Variants in FRMD4A observed in about 807,000 individuals in gnomAD.
FRMD4A encodes FERM domain-containing protein 4A.
Under a neutral mutation model 129.1 loss-of-function variants are expected in FRMD4A, and 29 were observed. That is an observed-to-expected ratio of 0.22 (90% confidence interval 0.17 to 0.31). FRMD4A has a LOEUF of 0.31. Ranked by LOEUF, FRMD4A falls within the 10% of genes least tolerant of loss-of-function variation. FRMD4A has a pLI of 1.00. For missense variants in FRMD4A, 1,272 were observed against 1,375.8 expected (o/e 0.92, Z 1.19); for synonymous variants, 634 against 571.6 (o/e 1.11, Z -1.56).
chr10:13,848,103 C>T (rs978926526), intron 3 of FRMD4A, among the ~76,000 whole-genome samples: 1 of 152,070 alleles, frequency 6.6e-6, no homozygotes, highest in African/African-American at 2.4e-5. Context: ...CCAATCCCTT[C>T]TTATCCCCCA....
At chr10:14,186,969 A>AT (rs1284879155) in intron 2 of FRMD4A, among the ~76,000 whole-genome samples, 2 of 151,714 alleles carry the variant, frequency 1.3e-5, no homozygotes, top group African/African-American at 4.8e-5. Context: ...AAAAAAAAAA[A>AT]ACATAATTAG....
At chr10:14,039,596 C>T (rs1833700090) in intron 2 of FRMD4A, among the ~76,000 whole-genome samples, 1 of 152,062 alleles carries the variant, frequency 6.6e-6, no homozygotes, top group Non-Finnish European at 1.5e-5. Context: ...ACCTGCCTTC[C>T]ATTCTATTCA....
At chr10:13,678,671 C>T (rs1468707009) in intron 15 of FRMD4A, among the ~76,000 whole-genome samples, 2 of 152,218 alleles carry the variant, frequency 1.3e-5, no homozygotes, top group Non-Finnish European at 2.9e-5. Flanking sequence ...TTCACTGTTG[C>T]TCAATGAAGT....
intron 2 of FRMD4A, among the ~76,000 whole-genome samples, chr10:13,984,409 C>T (rs1318922800): frequency 6.6e-6 from 1 of 152,142 alleles, no homozygotes; most frequent in Non-Finnish European, 1.5e-5. Flanking sequence ...ACAAACTTTA[C>T]AATTTTAACC....
At chr10:14,127,189 G>T (rs576113053) in intron 2 of FRMD4A, among the ~76,000 whole-genome samples, 2 of 152,312 alleles carry the variant, frequency 1.3e-5, no homozygotes, top group South Asian at 4.1e-4. Context: ...GAGGAAATTA[G>T]GCAAAGGCTC....
chr10:13,938,796 C>T (rs2095268642), intron 2 of FRMD4A, among the ~76,000 whole-genome samples: 1 of 152,158 alleles, frequency 6.6e-6, no homozygotes, highest in Non-Finnish European at 1.5e-5. Flanking sequence ...TTGGTAGAGG[C>T]CAGGGATGCT....
At chr10:14,221,774 C>G (rs1372345806) in intron 2 of FRMD4A, among the ~76,000 whole-genome samples, 1 of 151,886 alleles carries the variant, frequency 6.6e-6, no homozygotes, top group Non-Finnish European at 1.5e-5. Context: ...AGGCTGATCT[C>G]AAGCTCCTGG....
chr10:13,768,767 A>G (rs780362954), intron 6 of FRMD4A, among the ~76,000 whole-genome samples: 1 of 152,126 alleles, frequency 6.6e-6, no homozygotes, highest in Non-Finnish European at 1.5e-5. Context: ...CTTGAGTTTG[A>G]TTTTCCTTAT....
chr10:13,843,089 G>A (rs1212056938), intron 3 of FRMD4A, among the ~76,000 whole-genome samples: 1 of 152,150 alleles, frequency 6.6e-6, no homozygotes, highest in Non-Finnish European at 1.5e-5. Context: ...CTCCAGAAAG[G>A]TGTACAATCT....
intron 2 of FRMD4A, among the ~76,000 whole-genome samples, chr10:14,101,390 C>T (rs149891220): frequency 8.5e-5 from 13 of 152,232 alleles, no homozygotes; most frequent in South Asian, 2.1e-4. Context: ...GTTAGTCTTA[C>T]GAGTAGATAA....
At chr10:13,843,056 T>C (rs1315378191) in intron 3 of FRMD4A, among the ~76,000 whole-genome samples, 1 of 152,228 alleles carries the variant, frequency 6.6e-6, no homozygotes, top group Non-Finnish European at 1.5e-5. Context: ...ACGCTGCCTC[T>C]ACCTGTGAGC....
chr10:13,661,191 G>A (rs2082614450), intron 19 of FRMD4A, among the ~76,000 whole-genome samples: 1 of 152,196 alleles, frequency 6.6e-6, no homozygotes, highest in South Asian at 2.1e-4. Flanking sequence ...TTAAGGAGAT[G>A]AGCTACAAAG....
intron 3 of FRMD4A, among the ~76,000 whole-genome samples, chr10:13,818,970 A>G (rs1350940608): frequency 6.6e-6 from 1 of 152,162 alleles, no homozygotes; most frequent in Non-Finnish European, 1.5e-5. Flanking sequence ...TACTAAAAAT[A>G]CAAAAAAATT....
intron 15 of FRMD4A, among the ~76,000 whole-genome samples, chr10:13,683,671 C>G (rs1589361006): frequency 6.6e-6 from 1 of 151,326 alleles, no homozygotes; most frequent in Middle Eastern, 3.4e-3. Context: ...CAGCCGGGAG[C>G]TAACTGGGTA....
Position 13,649,999 on chromosome 10 carries a change from TGACTTCA to T in FRMD4A, c.*2+1897_*2+1903del, listed in dbSNP as rs573071401. Among the ~76,000 whole-genome samples, 21 of 152,286 alleles carry T rather than the reference TGACTTCA, an allele frequency of 1.4e-4. No homozygotes were observed. The East Asian group carries it at 2.3e-3, about 17-fold the overall frequency. ...GGGCAGTCTGGGTCACAGCAAGTGG[TGACTTCA>T]GAATCTGTGGGGGCTTTCCACTGCA... On this transcript the variant is annotated intron_variant, in intron 24 of 24. Transcript: ENST00000357447.
intron 9 of FRMD4A, among the ~76,000 whole-genome samples, chr10:13,746,019 G>A (rs1372452007): frequency 6.6e-6 from 1 of 152,136 alleles, no homozygotes; most frequent in Non-Finnish European, 1.5e-5. Flanking sequence ...GCTCTTTGGG[G>A]GCAGGTTATA....
intron 12 of FRMD4A, among the ~76,000 whole-genome samples, chr10:13,734,646 T>A (rs1384860082): frequency 4.4e-5 from 5 of 112,494 alleles, no homozygotes; most frequent in Admixed American, 8.5e-5. Flanking sequence ...TGGGGACTTC[T>A]CTTCTCCTTA....
At chr10:13,782,258 T>C (rs1181612745) in intron 6 of FRMD4A, among the ~76,000 whole-genome samples, 1 of 152,126 alleles carries the variant, frequency 6.6e-6, no homozygotes, top group African/African-American at 2.4e-5. Context: ...CTCATTCCTA[T>C]CTGCAAGACC....
intron 2 of FRMD4A, among the ~76,000 whole-genome samples, chr10:14,047,618 C>T (rs1042530835): frequency 1.3e-5 from 2 of 152,174 alleles, no homozygotes; most frequent in African/African-American, 2.4e-5. Context: ...CAAAGAAGAG[C>T]CCCATTGTAC....
Sources: allele counts gnomAD v4.1 joint callset (sites outside exome capture counted in the v4.1 genomes callset), GRCh38; gene constraint gnomAD v4.1.1; transcripts MANE v1.5; gene names NCBI Gene and HGNC (gene_info 2026-07-23, HGNC 2026-07-21).